Variants in COLEC12 observed in about 807,000 individuals in gnomAD.
COLEC12 encodes the protein collectin subfamily member 12, also known as collectin-12.
COLEC12 carries 33 observed loss-of-function variants against 71.1 expected under a neutral mutation model. That is an observed-to-expected ratio of 0.46 (90% CI 0.35 to 0.62). COLEC12 has a LOEUF of 0.62. Among genes scored for constraint, COLEC12 ranks in the 20% least tolerant of loss-of-function variants. The pLI, the probability that COLEC12 is intolerant of heterozygous loss-of-function variation, is 0.00. For missense variants in COLEC12, 765 were observed against 916.1 expected, an observed-to-expected ratio of 0.84 and a Z score of 2.13; for synonymous variants, 350 against 353.0, an observed-to-expected ratio of 0.99 and a Z score of 0.10.
chr18:364,123 A>G (rs1392495189), intron 2 of COLEC12, among the ~76,000 whole-genome samples: 1 of 152,202 alleles, frequency 6.6e-6, no homozygotes, highest in Non-Finnish European at 1.5e-5. Context: ...GTTTTCATTG[A>G]AATTTTTTCA....
At chr18:424,231 T>C (rs1916154377) in intron 2 of COLEC12, 1 of 152,374 alleles carries the variant, frequency 6.6e-6, no homozygotes. Flanking sequence ...TCCATCACCA[T>C]GGATCCTGCA....
At chr18:470,763 C>T (rs757026153) in intron 2 of COLEC12, among the ~76,000 whole-genome samples, 3 of 152,152 alleles carry the variant, frequency 2.0e-5, no homozygotes, top group Non-Finnish European at 2.9e-5. Flanking sequence ...TCTAAAACAA[C>T]GAACTAAACA....
Position 475,554 on chromosome 18 carries a change from G to T in COLEC12, c.58+5153C>A, listed in dbSNP as rs1359204216. On this transcript the variant is annotated intron_variant, in intron 2 of 9. Transcript: ENST00000400256. The stretch of plus-strand genomic sequence containing the variant: ...AAAAGCCCAGCAACAAGAAGTAGAG[G>T]CATCCAAGTGTTTATCTTGAGCAGC... Among the ~76,000 whole-genome samples the T allele has an allele frequency of 5.3e-5, 8 of 152,150 alleles. No individual in the cohort carries two copies. In the East Asian group the frequency reaches 1.5e-3, roughly 29 times the overall value.
chr18:419,535 T>G (rs1236740685), intron 2 of COLEC12, among the ~76,000 whole-genome samples: 1 of 152,210 alleles, frequency 6.6e-6, no homozygotes, highest in Non-Finnish European at 1.5e-5. Context: ...ACAGAGTCAT[T>G]ATCTGAGTTT....
intron 2 of COLEC12, among the ~76,000 whole-genome samples, chr18:405,962 G>C (rs1266720903): frequency 6.6e-6 from 1 of 152,046 alleles, no homozygotes; most frequent in Non-Finnish European, 1.5e-5. Context: ...GATGAGATAA[G>C]AGGTCAGCAC....
At chr18:463,570 G>A (rs1056650976) in intron 2 of COLEC12, among the ~76,000 whole-genome samples, 3 of 152,178 alleles carry the variant, frequency 2.0e-5, no homozygotes, top group African/African-American at 2.4e-5. Flanking sequence ...AGTTCGCTGA[G>A]ACTGCACAGC....
intron 2 of COLEC12, among the ~76,000 whole-genome samples, chr18:413,228 C>A (rs28760031): frequency 0.027 from 4,156 of 152,082 alleles, 206 homozygotes; most frequent in African/African-American, 0.094. Flanking sequence ...AGATGGATGG[C>A]AAATAAACAC....
Position 346,499 on chromosome 18 carries a change from G to C in COLEC12, c.1123C>G (p.Leu375Val). The C allele has an allele frequency of 1.2e-6, 2 of 1,614,182 alleles. No individual in the cohort carries two copies. The highest frequency in any genetic ancestry group is 1.7e-6 in the Non-Finnish European group (2 of 1,180,032). Residue 375 changes from leucine to valine, a missense_variant, in exon 5 of 10, where the codon CTT becomes GTT. Leu to Val is a conservative substitution (Grantham distance 32, BLOSUM62 1). Coordinates refer to ENST00000400256, the MANE Select transcript of COLEC12 (RefSeq NM_130386.3). The surrounding 1 kb of genome is among the most constrained non-coding windows in gnomAD (Gnocchi z 4.0). ...GTCAGATCATCTGTGTGTTTGGTAAGGGTATCTGTGCAAGTGGTCCTGACT... is the reference window on the plus strand; with the variant it reads ...GTCAGATCATCTGTGTGTTTGGTAACGGTATCTGTGCAAGTGGTCCTGACT... Reference protein sequence around the residue: ...NEVRTTCTDTLTKHTDDLTSL... With the variant: ...NEVRTTCTDTVTKHTDDLTSL...
chr18:444,706 C>T (rs1230891710), intron 2 of COLEC12, among the ~76,000 whole-genome samples: 2 of 152,082 alleles, frequency 1.3e-5, no homozygotes, highest in African/African-American at 4.8e-5. Flanking sequence ...AGAAAACTAA[C>T]CCCAATGTGA....
intron 2 of COLEC12, among the ~76,000 whole-genome samples, chr18:423,105 T>C (rs1307421699): frequency 1.2e-5 from 1 of 80,042 alleles, no homozygotes; most frequent in Non-Finnish European, 2.8e-5. Flanking sequence ...ACCCCATCTC[T>C]AAAAAAACAA....
At chr18:376,974 A>G (rs1246378209) in intron 2 of COLEC12, among the ~76,000 whole-genome samples, 2 of 152,248 alleles carry the variant, frequency 1.3e-5, no homozygotes, top group Admixed American at 6.5e-5. Flanking sequence ...TTTTTTATAA[A>G]GGGACTTTTC....
chr18:441,074 CT>C (rs1916514232), intron 2 of COLEC12, among the ~76,000 whole-genome samples: 1 of 131,282 alleles, frequency 7.6e-6, no homozygotes, highest in South Asian at 2.9e-4. Context: ...CAGTGAAACC[CT>C]GTCTCTACTA....
chr18:417,190 C>T (rs974834516), intron 2 of COLEC12, among the ~76,000 whole-genome samples: 8 of 152,108 alleles, frequency 5.3e-5, no homozygotes, highest in Non-Finnish European at 1.0e-4. Context: ...CACAGCTAGG[C>T]TATTGCTACG....
Position 476,365 on chromosome 18 carries a change from A to C in COLEC12, c.58+4342T>G, listed in dbSNP as rs150353045. Among the ~76,000 whole-genome samples, 318 of 152,340 alleles carry C rather than the reference A, an allele frequency of 2.1e-3. 8 individuals carry two copies. Among genetic ancestry groups the C allele is most frequent in the Admixed American group, 0.019 (289 of 15,306 alleles). On this transcript the variant is annotated intron_variant, in intron 2 of 9. Coordinates refer to ENST00000400256, the MANE Select transcript of COLEC12 (RefSeq NM_130386.3). ...AGCCCCAAAGAAGCAATTCTGTCAA[A>C]GCTTTGTTTGTCAAATACAAACAAC...
chr18:481,728 T>C (rs1033702161), intron 1 of COLEC12, among the ~76,000 whole-genome samples: 8 of 151,214 alleles, frequency 5.3e-5, no homozygotes, highest in Non-Finnish European at 1.2e-4. Flanking sequence ...GAGGGAGAGA[T>C]GTTTTATCAC....
At chr18:498,614 G>A (rs1469529796) in intron 1 of COLEC12, among the ~76,000 whole-genome samples, 3 of 151,866 alleles carry the variant, frequency 2.0e-5, no homozygotes, top group African/African-American at 4.8e-5. Context: ...TGCCCACCTC[G>A]GCCTCCCAAA....
intron 2 of COLEC12, among the ~76,000 whole-genome samples, chr18:434,403 T>C (rs2186829): frequency 3.9e-5 from 6 of 152,116 alleles, no homozygotes; most frequent in African/African-American, 1.2e-4. Flanking sequence ...GAAAGATAAA[T>C]GCAGCACACA....
intron 2 of COLEC12, among the ~76,000 whole-genome samples, chr18:361,144 A>AT (rs1179903177): frequency 6.6e-6 from 1 of 152,092 alleles, no homozygotes; most frequent in African/African-American, 2.4e-5. Flanking sequence ...CAGCTTATTG[A>AT]TGTTCACTTA....
chr18:381,522 C>T (rs1247921001), intron 2 of COLEC12, among the ~76,000 whole-genome samples: 1 of 152,078 alleles, frequency 6.6e-6, no homozygotes, highest in Non-Finnish European at 1.5e-5. Flanking sequence ...AAATGATAAT[C>T]CCTATTTACC....
Sources: allele counts gnomAD v4.1 joint callset (sites outside exome capture counted in the v4.1 genomes callset), GRCh38; gene constraint gnomAD v4.1.1; non-coding constraint Gnocchi (gnomAD v3.1); transcripts MANE v1.5; gene names NCBI Gene and HGNC (gene_info 2026-07-23, HGNC 2026-07-21).